The following STRN variants were observed in gnomAD, a reference collection of about 807,000 sequenced individuals.
STRN encodes the protein protein phosphatase 2 regulatory subunit B'''alpha.
STRN carries 53 observed loss-of-function variants against 96.3 expected under a neutral mutation model. The ratio of observed to expected loss-of-function variants is 0.55; its 90% CI spans 0.44 to 0.69. STRN has a LOEUF of 0.69. Among genes scored for constraint, STRN ranks in the 30% least tolerant of loss-of-function variants. STRN has a pLI of 0.00. For missense variants in STRN, 987 were observed against 963.9 expected, an observed-to-expected ratio of 1.02 and a Z score of -0.32; for synonymous variants, 428 against 355.9, an observed-to-expected ratio of 1.20 and a Z score of -2.28.
chr2:36,912,257 C>T (rs572146501), intron 3 of STRN, among the ~76,000 whole-genome samples: 17 of 152,172 alleles, frequency 1.1e-4, no homozygotes, highest in Admixed American at 3.9e-4. Flanking sequence ...AGTGTGCGCG[C>T]GCGCACACAC....
At chr2:36,852,327 G>C (rs1417337008) in intron 15 of STRN, among the ~76,000 whole-genome samples, 1 of 152,206 alleles carries the variant, frequency 6.6e-6, no homozygotes, top group Non-Finnish European at 1.5e-5. Flanking sequence ...GGTCCAGGGA[G>C]AGGAAGGGGT....
intron 10 of STRN, among the ~76,000 whole-genome samples, chr2:36,875,964 AT>A (rs76479105): frequency 0.047 from 7,136 of 152,006 alleles, 268 homozygotes; most frequent in East Asian, 0.13. Context: ...CTTACAAATG[AT>A]TTTTTTTAAA....
chr2:36,956,554 A>C (rs1664893095), intron 1 of STRN, among the ~76,000 whole-genome samples: 1 of 152,224 alleles, frequency 6.6e-6, no homozygotes, highest in African/African-American at 2.4e-5. Context: ...CACATTAGCA[A>C]ATCAAAAGTA....
Position 36,944,165 on chromosome 2 carries a change from C to A in STRN, c.235-18957G>T, listed in dbSNP as rs1572692755. 3.3e-5 allele frequency among the ~76,000 whole-genome samples: 5 copies of A among 152,204 alleles called. No individual in the cohort carries two copies. In the East Asian group the frequency reaches 9.6e-4, roughly 29 times the overall value. On this transcript the variant is annotated intron_variant, in intron 1 of 17. Transcript: ENST00000263918. ...CTCATACTTAAAACATATATATACA[C>A]ACTAACAGACAGTTGAAAATACAGA...
At chr2:36,905,324 A>G (rs1669793093) in intron 4 of STRN, among the ~76,000 whole-genome samples, 1 of 152,236 alleles carries the variant, frequency 6.6e-6, no homozygotes, top group South Asian at 2.1e-4. Context: ...CAATGAAAAG[A>G]ATAACTTTAA....
intron 1 of STRN, among the ~76,000 whole-genome samples, chr2:36,942,669 A>T (rs143779428): frequency 6.6e-6 from 1 of 152,234 alleles, no homozygotes; most frequent in South Asian, 2.1e-4. Flanking sequence ...TAACATATCT[A>T]TCTCTCCCAG....
chr2:36,886,212 C>T (rs1435345149), intron 8 of STRN, among the ~76,000 whole-genome samples: 1 of 152,056 alleles, frequency 6.6e-6, no homozygotes, highest in East Asian at 1.9e-4. Context: ...ATATATTTGA[C>T]TCTGTGCCCT....
chr2:36,871,485 T>C lies in STRN; in HGVS notation c.1324-1756A>G, dbSNP rs554160602. On this transcript the variant is annotated intron_variant, in intron 10 of 17. Transcript: ENST00000263918. ...ATACCATTTAGGCTTCTAACTACACTCTATGATGTTTGCACAACAATGAAA... is the reference window on the plus strand; with the variant it reads ...ATACCATTTAGGCTTCTAACTACACCCTATGATGTTTGCACAACAATGAAA... Among the ~76,000 whole-genome samples the C allele has an allele frequency of 4.6e-5, 7 of 152,338 alleles. No homozygotes were observed. In the East Asian group the frequency reaches 9.6e-4, roughly 21 times the overall value.
chr2:36,882,646 A>G (rs989285903), intron 9 of STRN, among the ~76,000 whole-genome samples: 1 of 152,154 alleles, frequency 6.6e-6, no homozygotes, highest in Admixed American at 6.5e-5. Flanking sequence ...GCATGTGCCT[A>G]TAGTCCTAGC....
At chr2:36,937,243 C>A (rs1670724331) in intron 1 of STRN, among the ~76,000 whole-genome samples, 1 of 150,728 alleles carries the variant, frequency 6.6e-6, no homozygotes, top group Non-Finnish European at 1.5e-5. Context: ...ACTTGGGAAG[C>A]TGAGGCAGGA....
intron 12 of STRN, among the ~76,000 whole-genome samples, chr2:36,866,620 T>C (rs181827825): frequency 4.6e-5 from 7 of 152,316 alleles, no homozygotes; most frequent in Admixed American, 2.6e-4. Flanking sequence ...ATCTAATACA[T>C]CAGTGGGGTG....
intron 13 of STRN, among the ~76,000 whole-genome samples, chr2:36,859,727 A>G (rs1360195135): frequency 1.3e-5 from 2 of 152,232 alleles, no homozygotes; most frequent in African/African-American, 4.8e-5. Context: ...TTTATGAAGG[A>G]CAGGGAACAG....
At chr2:36,943,982 T>C (rs1024548779) in intron 1 of STRN, among the ~76,000 whole-genome samples, 2 of 151,994 alleles carry the variant, frequency 1.3e-5, no homozygotes, top group Admixed American at 1.3e-4. Context: ...TAGCTGGACG[T>C]GGTGGCGGGC....
Position 36,930,819 on chromosome 2 carries a change from G to A in STRN, c.235-5611C>T, listed in dbSNP as rs539118576. Among the ~76,000 whole-genome samples the A allele has an allele frequency of 1.3e-3, 196 of 152,188 alleles. 3 individuals are homozygous for A. Among genetic ancestry groups the A allele is most frequent in the Non-Finnish European group, 1.2e-4 (8 of 68,022 alleles). On this transcript the variant is annotated intron_variant, in intron 1 of 17. Transcript: ENST00000263918. ...AGGCCGAGACGGGTGGATCACTTGA[G>A]GTCAGGAGTTCTTAACCAGCCTGGC... is the stretch of plus-strand genomic sequence containing the variant.
At chr2:36,851,243 G>A in intron 15 of STRN, 136 bp from the exon 16 acceptor site, 1 of 589,526 alleles carries the variant, frequency 1.7e-6, no homozygotes. Flanking sequence ...CAAGCACGTT[G>A]GGAGGCCAAG....
chr2:36,924,705 G>A (rs1339090109), intron 2 of STRN, among the ~76,000 whole-genome samples: 2 of 152,140 alleles, frequency 1.3e-5, no homozygotes, highest in Non-Finnish European at 2.9e-5. Flanking sequence ...AACTCAAGGA[G>A]TATGAACATT....
rs558656905 is a variant in STRN, at chr2:36,925,548, G to A, written c.235-340C>T. On this transcript the variant is annotated intron_variant, in intron 1 of 17. Transcript: ENST00000263918. Reference sequence around the variant, plus strand: ...TCCCAGCACTTTGGGAGGCTGAGGCGGGTGGATCACTTGAGGTGAAGAGTT... The same window carrying A: ...TCCCAGCACTTTGGGAGGCTGAGGCAGGTGGATCACTTGAGGTGAAGAGTT... 5.9e-5 allele frequency among the ~76,000 whole-genome samples: 9 copies of A among 152,156 alleles called. No individual in the cohort carries two copies. In the South Asian group the frequency reaches 8.3e-4, roughly 14 times the overall value.
At chr2:36,853,022 TG>T (rs1572622295) in intron 15 of STRN, among the ~76,000 whole-genome samples, 2 of 152,130 alleles carry the variant, frequency 1.3e-5, no homozygotes, top group African/African-American at 4.8e-5. Context: ...CCAGATATGG[TG>T]GCACACGCCT....
chr2:36,917,538 G>GAAAAAAA (rs576754026), intron 2 of STRN, among the ~76,000 whole-genome samples: 2 of 88,666 alleles, frequency 2.3e-5, no homozygotes, highest in Admixed American at 1.3e-4. Flanking sequence ...ACAAAAAAAA[G>GAAAAAAA]AAAAAAAAAA....
Sources: allele counts gnomAD v4.1 joint callset (sites outside exome capture counted in the v4.1 genomes callset), GRCh38; gene constraint gnomAD v4.1.1; transcripts MANE v1.5; gene names NCBI Gene and HGNC (gene_info 2026-07-23, HGNC 2026-07-21).